ABCC4: variants seen among roughly 807,000 people sequenced by gnomAD.
ABCC4 encodes the protein ATP-binding cassette sub-family C member 4.
Under a neutral mutation model 168.5 loss-of-function variants are expected in ABCC4, and 102 were observed. That is an observed-to-expected ratio of 0.61 (90% CI 0.52 to 0.71). ABCC4 has a LOEUF of 0.71. Ranked by LOEUF, ABCC4 falls within the 30% of genes least tolerant of loss-of-function variation. The pLI is 0.00. For synonymous variants in ABCC4, 617 were observed against 590.7 expected (o/e 1.04, Z -0.65); for missense variants, 1,402 against 1,605.8 (o/e 0.87, Z 2.17).
chr13:95,085,695 G>A (rs753212308), intron 20 of ABCC4, among the ~76,000 whole-genome samples: 11 of 152,238 alleles, frequency 7.2e-5, no homozygotes, highest in Non-Finnish European at 1.3e-4. Context: ...GGCCTACTAG[G>A]CCACCCACAA....
At chr13:95,030,410 C>T (rs535943592) in intron 30 of ABCC4, among the ~76,000 whole-genome samples, 4 of 152,048 alleles carry the variant, frequency 2.6e-5, no homozygotes, top group African/African-American at 4.8e-5. Flanking sequence ...CAAATTAGGT[C>T]GGCTTCATCA....
intron 19 of ABCC4, among the ~76,000 whole-genome samples, chr13:95,135,262 C>T (rs986255838): frequency 1.3e-5 from 2 of 151,876 alleles, no homozygotes; most frequent in African/African-American, 4.8e-5. Context: ...AATTTAGACT[C>T]GTAAAAGTGA....
At chr13:95,225,470 G>C (rs962151487) in intron 4 of ABCC4, among the ~76,000 whole-genome samples, 10 of 152,138 alleles carry the variant, frequency 6.6e-5, no homozygotes, top group African/African-American at 2.2e-4. Context: ...AGGAGTTCGA[G>C]ACCTGCCTGG....
rs556325056 is a variant in ABCC4 at position 95,076,089 on chromosome 13, AACAG to A, written c.2687-542_2687-539del. 1.3e-3 allele frequency among the ~76,000 whole-genome samples: 196 copies of A among 152,154 alleles called. 2 individuals are homozygous for A. Among genetic ancestry groups the A allele is most frequent in the African/African-American group, 4.5e-3 (186 of 41,456 alleles). ...GGACATGTACTCAGTAAGTGAGCTG[AACAG>A]ACAGACTGTCACTTCCCTGCATCCT... On this transcript the variant is annotated intron_variant, in intron 21 of 30. Transcript: ENST00000645237.
intron 1 of ABCC4, among the ~76,000 whole-genome samples, chr13:95,264,338 T>C (rs1441677781): frequency 1.3e-5 from 2 of 152,170 alleles, no homozygotes; most frequent in Non-Finnish European, 2.9e-5. Context: ...AAAAGTTTCA[T>C]GAGAAGCAAG....
chr13:95,059,508 G>C (rs1023703512), intron 26 of ABCC4, among the ~76,000 whole-genome samples: 1 of 152,238 alleles, frequency 6.6e-6, no homozygotes, highest in African/African-American at 2.4e-5. Context: ...CAAAGCATTA[G>C]AGGGGTACTG....
chr13:95,069,641 T>A (rs1594044526), intron 25 of ABCC4, among the ~76,000 whole-genome samples: 1 of 152,118 alleles, frequency 6.6e-6, no homozygotes, highest in East Asian at 1.9e-4. Context: ...CCGCCCACCA[T>A]CCTACTTTCT....
At chr13:95,253,902 C>CT (rs556791330) in intron 1 of ABCC4, among the ~76,000 whole-genome samples, 17 of 151,880 alleles carry the variant, frequency 1.1e-4, no homozygotes, top group South Asian at 6.2e-4. Context: ...GGATTTTTCT[C>CT]TTTTTTTTGA....
At chr13:95,167,459 C>A in intron 14 of ABCC4, among the ~76,000 whole-genome samples, 1 of 152,152 alleles carries the variant, frequency 6.6e-6, no homozygotes, top group East Asian at 1.9e-4. Context: ...TAAGGCAAGT[C>A]AGGTGGGGGA....
In ABCC4 at chr13:95,206,622, C is replaced by G. The variant is rs912519606; in HGVS notation, c.1071G>C (p.Leu357=). The G allele has an allele frequency of 1.2e-6, 2 of 1,614,182 alleles. No homozygotes were observed. The highest frequency in any genetic ancestry group is 1.7e-6 in the Non-Finnish European group (2 of 1,180,036). ...TASRVFVAVT[L]YGAVRLTVTL... Reference sequence around the variant, plus strand: ...TAACCGTCAGCCGCACAGCCCCATACAGCGTCACTGCCACGAACACGCGGC... The same window carrying G: ...TAACCGTCAGCCGCACAGCCCCATAGAGCGTCACTGCCACGAACACGCGGC... The change falls in exon 8 of 31, where the codon CTG becomes CTC. Residue 357 remains leucine (L), a synonymous_variant. Coordinates refer to ENST00000645237, the MANE Select transcript of ABCC4 (RefSeq NM_005845.5).
rs762958479 is a variant in ABCC4, at chr13:95,073,187, G to A, written c.3018+17C>T. ...CAAGGAGATTGAAAAGGCAAAGAAC[G>A]TGAAGGTAAATATTACCATATTCTC... On this transcript the variant is annotated intron_variant, in intron 24 of 30. Transcript: ENST00000645237. The A allele has an allele frequency of 5.6e-6, 9 of 1,594,172 alleles. No individual in the cohort carries two copies. Among genetic ancestry groups the A allele is most frequent in the South Asian group, 3.3e-5 (3 of 90,192 alleles).
intron 21 of ABCC4, among the ~76,000 whole-genome samples, chr13:95,076,295 C>T (rs1187866729): frequency 1.3e-5 from 2 of 152,188 alleles, no homozygotes; most frequent in African/African-American, 2.4e-5. Flanking sequence ...CCACTGCAAA[C>T]TTGTCCTGAT....
chr13:95,077,643 A>G (rs1160361423), intron 21 of ABCC4, among the ~76,000 whole-genome samples: 1 of 150,242 alleles, frequency 6.7e-6, no homozygotes, highest in Non-Finnish European at 1.5e-5. Context: ...TGGCCAATCT[A>G]TCTTACAGGC....
intron 13 of ABCC4, among the ~76,000 whole-genome samples, chr13:95,170,964 GAGAA>G (rs578028833): frequency 1.6e-3 from 241 of 151,900 alleles, no homozygotes; most frequent in African/African-American, 5.6e-3. Context: ...GATTGCAGGG[GAGAA>G]AGAAAGATCG....
chr13:95,174,804 A>G (rs924728996), intron 13 of ABCC4, among the ~76,000 whole-genome samples: 2 of 152,234 alleles, frequency 1.3e-5, no homozygotes, highest in Non-Finnish European at 2.9e-5. Context: ...TCAAGGCACA[A>G]TGAGGAGGGA....
At chr13:95,266,034 T>C (rs1332471052) in intron 1 of ABCC4, 1 of 152,156 alleles carries the variant, frequency 6.6e-6, no homozygotes, top group East Asian at 1.9e-4. Context: ...TCCTGTGAAG[T>C]AGGCTCCTGA....
At chr13:95,279,272 C>T (rs926367136) in intron 1 of ABCC4, among the ~76,000 whole-genome samples, 5 of 152,188 alleles carry the variant, frequency 3.3e-5, no homozygotes, top group African/African-American at 9.7e-5. Flanking sequence ...TCTGCTAAAG[C>T]GCTTCGCATG....
intron 9 of ABCC4, 90 bp downstream of exon 9, chr13:95,194,746 T>A: frequency 2.0e-6 from 2 of 991,254 alleles, no homozygotes; most frequent in Non-Finnish European, 3.0e-6. Flanking sequence ...AGCCATATTT[T>A]ATACCATGTG....
chr13:95,204,893 C>T (rs943603343), intron 8 of ABCC4, among the ~76,000 whole-genome samples: 3 of 152,190 alleles, frequency 2.0e-5, no homozygotes, highest in Non-Finnish European at 4.4e-5. Flanking sequence ...GTCCACGGTA[C>T]ACACACCAAC....
Sources: allele counts gnomAD v4.1 joint callset (sites outside exome capture counted in the v4.1 genomes callset), GRCh38; gene constraint gnomAD v4.1.1; transcripts MANE v1.5; gene names NCBI Gene and HGNC (gene_info 2026-07-23, HGNC 2026-07-21).